ZSCAN5C: variants seen among roughly 807,000 people sequenced by gnomAD.
ZSCAN5C encodes the protein zinc finger and SCAN domain containing 5C, also known as zinc finger and SCAN domain-containing protein 5C.
A neutral mutation model predicts 17.3 loss-of-function variants in ZSCAN5C; 11 were observed. That is an observed-to-expected ratio of 0.64 (90% confidence interval 0.40 to 1.06). ZSCAN5C has a LOEUF of 1.06. ZSCAN5C is among the 50% of genes least tolerant of loss of function. The pLI is 0.00. For synonymous variants in ZSCAN5C, 229 were observed against 208.4 expected (o/e 1.10, Z -0.85); for missense variants, 698 against 538.9 (o/e 1.30, Z -2.92).
exon 5 of ZSCAN5C, chr19:56,209,033 T>C (rs776702821): frequency 1.9e-6 from 3 of 1,612,088 alleles, no homozygotes; most frequent in Non-Finnish European, 2.5e-6. Flanking sequence ...GCCCTTCGAA[T>C]GTAAAGACTG....
chr19:56,209,220 T>G, downstream of ZSCAN5C: 1 of 683,388 alleles, frequency 1.5e-6, no homozygotes, highest in Admixed American at 2.7e-5. Context: ...CGGGTCTGTC[T>G]TCTGCACCAA....
exon 2 of ZSCAN5C, chr19:56,206,183 G>C: frequency 6.3e-7 from 1 of 1,597,410 alleles, no homozygotes; most frequent in African/African-American, 1.4e-5. Flanking sequence ...TGGTGATGGA[G>C]CAGTTCATGA....
At position 56,204,338 on chromosome 19, in the gene ZSCAN5C, C is replaced by T. The variant is rs369053614; in HGVS notation, c.-127-1449C>T. On this transcript the variant is annotated intron_variant, in intron 1 of 4. Coordinates refer to ENST00000534327, the Ensembl canonical transcript of ZSCAN5C. The stretch of plus-strand genomic sequence containing the variant: ...CTCTAATTTACATCCCAGCACAGGG[C>T]GCAGAGGACCCCTTTCCCCCGAATC... Among the ~76,000 whole-genome samples, 727 of 151,084 alleles carry T rather than the reference C, an allele frequency of 4.8e-3. 9 individuals carry two copies. The highest frequency in any genetic ancestry group is 0.016 in the African/African-American group (664 of 40,632).
chr19:56,203,437 A>T (rs1403503106), intron 1 of ZSCAN5C, among the ~76,000 whole-genome samples: 2 of 151,894 alleles, frequency 1.3e-5, no homozygotes, highest in African/African-American at 4.9e-5. Context: ...ATTTTTGGTC[A>T]TGAGGATGCT....
In ZSCAN5C at chr19:56,206,271, C is replaced by T. The variant is rs756445990; in HGVS notation, c.358C>T (p.Arg120Ter). 1.3e-5 allele frequency: 20 copies of T among 1,529,236 alleles called. No individual in the cohort carries two copies. In the East Asian group the frequency reaches 2.3e-4, roughly 17 times the overall value. The allele number at this position is 1,529,236 out of a possible 1,614,324, so 94.7% of individuals were successfully genotyped here. A position where few individuals can be genotyped will look rare whatever the true frequency, so the allele number is the denominator to read the frequency against. Residue 120 changes from arginine to a stop codon, truncating the protein, a stop_gained, in exon 2 of 5, where the codon CGA (arginine) becomes TGA (stop). Coordinates refer to ENST00000534327, the Ensembl canonical transcript of ZSCAN5C. LOFTEE classifies it high-confidence loss of function. The stretch of plus-strand genomic sequence containing the variant: ...CTGCAAAGACCTGGAGGACCTGCTA[C>T]GAAATAACAGAAGACCCAAGAAATG...
chr19:56,203,640 ATTTTTTTTT>A (rs564406569), intron 1 of ZSCAN5C, among the ~76,000 whole-genome samples: 5 of 86,820 alleles, frequency 5.8e-5, no homozygotes, highest in East Asian at 3.5e-4. Context: ...TCTACTGGGA[ATTTTTTTTT>A]TTTTTTTTTT....
At chr19:56,204,359 G>A (rs142526636) in intron 1 of ZSCAN5C, among the ~76,000 whole-genome samples, 4,302 of 149,464 alleles carry the variant, frequency 0.029, 38 homozygotes, top group Middle Eastern at 0.044. Context: ...CCTTTCCCCC[G>A]AATCCTCACC....
intron 3 of ZSCAN5C, 144 bp from the exon 4 acceptor site, chr19:56,207,890 G>C (rs2032941619): frequency 1.7e-6 from 1 of 602,128 alleles, no homozygotes; most frequent in East Asian, 2.8e-5. Context: ...GCACAGCGGG[G>C]AGAAATATGC....
chr19:56,207,275 G>T lies in ZSCAN5C; in HGVS notation c.588+13G>T, dbSNP rs780170326. On this transcript the variant is annotated intron_variant, in intron 3 of 4. Transcript: ENST00000534327. ...GTTCAGGAGGCAGGTGGGTGTGTGA[G>T]GCCTTGGTGTCTGGGCAGAGGTGGG... The T allele has an allele frequency of 1.3e-6, 1 of 770,692 alleles. No homozygotes were observed. The highest frequency in any genetic ancestry group is 2.4e-6 in the Non-Finnish European group (1 of 412,970). The allele number at this position is 770,692 out of a possible 1,614,324, so 47.7% of individuals were successfully genotyped here.
intron 1 of ZSCAN5C, among the ~76,000 whole-genome samples, chr19:56,203,386 A>T (rs1027077630): frequency 5.3e-5 from 8 of 151,928 alleles, no homozygotes; most frequent in Non-Finnish European, 1.2e-4. Flanking sequence ...AAAATGGGTA[A>T]ATTGAGCTGA....
exon 2 of ZSCAN5C, chr19:56,206,057 G>T: frequency 1.2e-6 from 2 of 1,613,194 alleles, no homozygotes; most frequent in Non-Finnish European, 1.7e-6. Flanking sequence ...TGAACTTCAG[G>T]ATGTTCAGCT....
Position 56,207,053 on chromosome 19 carries a change from C to T in ZSCAN5C, c.385-6C>T. On this transcript the variant is annotated splice_region_variant and splice_polypyrimidine_tract_variant and intron_variant, in intron 2 of 4. Coordinates refer to ENST00000534327, the Ensembl canonical transcript of ZSCAN5C. ...GTTAGTCTGATTGCTTTTTTTCTCT[C>T]TATAGTCTGTAGTCAGTTTTCTTGG... The T allele has an allele frequency of 1.4e-6, 1 of 711,468 alleles. No homozygotes were observed. 44.1% of individuals were successfully genotyped at this position (711,468 alleles called of 1,614,324 possible). A position where few individuals can be genotyped will look rare whatever the true frequency, so the allele number is the denominator to read the frequency against.
chr19:56,203,174 G>C (rs13382081), intron 1 of ZSCAN5C, among the ~76,000 whole-genome samples: 8,735 of 151,868 alleles, frequency 0.058, 588 homozygotes, highest in East Asian at 0.25. Flanking sequence ...CTGGGCTCGA[G>C]GGATCCTCCC....
chr19:56,202,601 T>A (rs1275871256), intron 1 of ZSCAN5C, among the ~76,000 whole-genome samples: 2 of 151,946 alleles, frequency 1.3e-5, no homozygotes, highest in Non-Finnish European at 2.9e-5. Flanking sequence ...ATTTTATTTT[T>A]TAGAGATGAG....
chr19:56,204,238 C>T (rs1217179442), intron 1 of ZSCAN5C, among the ~76,000 whole-genome samples: 4 of 150,490 alleles, frequency 2.7e-5, no homozygotes, highest in African/African-American at 5.0e-5. Flanking sequence ...TGCCCCAGAG[C>T]GGGATTGCCG....
chr19:56,203,576 C>T (rs118163720), intron 1 of ZSCAN5C, among the ~76,000 whole-genome samples: 1 of 151,786 alleles, frequency 6.6e-6, no homozygotes, highest in Non-Finnish European at 1.5e-5. Context: ...CCTATATCTC[C>T]CCAACCCTCA....
chr19:56,206,605 G>C (rs1351275628), intron 2 of ZSCAN5C, among the ~76,000 whole-genome samples: 1 of 151,750 alleles, frequency 6.6e-6, no homozygotes, highest in Non-Finnish European at 1.5e-5. Context: ...ACAGGCAGAG[G>C]GGGTACAGGG....
chr19:56,209,293 C>T (rs1244793734), downstream of ZSCAN5C: 6 of 600,416 alleles, frequency 1.0e-5, no homozygotes, highest in African/African-American at 1.1e-4. Context: ...TGAAGGGCGC[C>T]TGGCACGCAG....
chr19:56,206,128 G>T, exon 2 of ZSCAN5C: 1 of 1,604,174 alleles, frequency 6.2e-7, no homozygotes, highest in Non-Finnish European at 8.5e-7. Flanking sequence ...TGCCATCTGT[G>T]GCTGAGGCCC....
Sources: gnomAD v4.1 joint callset for allele counts (sites outside exome capture counted in the v4.1 genomes callset) on GRCh38, gnomAD v4.1.1 for gene constraint, MANE v1.5 for transcripts, NCBI Gene and HGNC (gene_info 2026-07-23, HGNC 2026-07-21) for gene names.